The following TNFSF13B variants were observed in gnomAD, a reference collection of about 807,000 sequenced individuals.
The protein encoded by TNFSF13B is TNF superfamily member 13b, also known as tumor necrosis factor ligand superfamily member 13B.
Under a neutral mutation model 29.1 loss-of-function variants are expected in TNFSF13B, and 8 were observed. That is an observed-to-expected ratio of 0.27 (90% CI 0.16 to 0.50). The LOEUF (loss-of-function observed/expected upper bound fraction) is 0.50. Among genes scored for constraint, TNFSF13B ranks in the 20% least tolerant of loss-of-function variants. The pLI is 0.98. For missense variants in TNFSF13B, 248 were observed against 334.9 expected (o/e 0.74, Z 2.03); for synonymous variants, 125 against 130.8 (o/e 0.96, Z 0.30).
At chr13:108,298,010 T>A (rs1351585950) in intron 3 of TNFSF13B, among the ~76,000 whole-genome samples, 2 of 146,294 alleles carry the variant, frequency 1.4e-5, no homozygotes, top group African/African-American at 2.6e-5. Flanking sequence ...TGGCATTTTT[T>A]AAATGTCTCT....
At position 108,307,477 on chromosome 13, in the gene TNFSF13B, A is replaced by G. The variant is rs1881812661; in HGVS notation, c.*539A>G. 6.6e-6 allele frequency: 1 copy of G among 152,128 alleles called. No individual in the cohort carries two copies. Among genetic ancestry groups the G allele is most frequent in the Non-Finnish European group, 1.5e-5 (1 of 68,010 alleles). The allele number at this position is 152,128 out of a possible 1,614,324, so 9.4% of individuals were successfully genotyped here. A position where few individuals can be genotyped will look rare whatever the true frequency, so the allele number is the denominator to read the frequency against. The stretch of plus-strand genomic sequence containing the variant: ...GCATTAGACACATGAAAAAATAACT[A>G]AAAGTTTAAATTTAAATATGAAACA... On this transcript the variant is annotated 3_prime_UTR_variant, in exon 6 of 6. Transcript: ENST00000375887.
intron 3 of TNFSF13B, among the ~76,000 whole-genome samples, chr13:108,292,664 A>G (rs1020748565): frequency 1.3e-5 from 2 of 151,736 alleles, no homozygotes; most frequent in African/African-American, 4.8e-5. Context: ...ATTTATTTGC[A>G]TTTTCCTTAT....
chr13:108,296,002 T>C (rs1881449603), intron 3 of TNFSF13B, among the ~76,000 whole-genome samples: 1 of 146,470 alleles, frequency 6.8e-6, no homozygotes, highest in Non-Finnish European at 1.5e-5. Context: ...TAATGAGAAT[T>C]ATTTTGTTGC....
At chr13:108,272,051 C>T (rs1033531014) in intron 2 of TNFSF13B, among the ~76,000 whole-genome samples, 8 of 152,168 alleles carry the variant, frequency 5.3e-5, no homozygotes, top group South Asian at 2.1e-4. Flanking sequence ...TGTGGTGTAC[C>T]GGTTCTCCAC....
chr13:108,270,495 G>A, intron 2 of TNFSF13B, 71 bp downstream of exon 2: 1 of 1,401,296 alleles, frequency 7.1e-7, no homozygotes, highest in Admixed American at 1.8e-5. Flanking sequence ...GGGAGCTGGA[G>A]GTGAGTATCC....
chr13:108,296,808 A>G (rs1342023699), intron 3 of TNFSF13B, among the ~76,000 whole-genome samples: 1 of 145,360 alleles, frequency 6.9e-6, no homozygotes, highest in Non-Finnish European at 1.5e-5. Context: ...GGTGATCACA[A>G]TAAACATCCT....
At chr13:108,270,445 C>G (rs1880581616) in intron 2 of TNFSF13B, 21 bp downstream of exon 2, 4 of 1,607,962 alleles carry the variant, frequency 2.5e-6, no homozygotes, top group Non-Finnish European at 3.4e-6. Context: ...GGCACAGACA[C>G]TTTTAGGAGT....
intron 2 of TNFSF13B, among the ~76,000 whole-genome samples, chr13:108,272,040 A>G (rs748859131): frequency 7.2e-5 from 11 of 152,146 alleles, no homozygotes; most frequent in Non-Finnish European, 1.6e-4. Context: ...GCAATCAAAA[A>G]TGTGGTGTAC....
At chr13:108,299,565 C>T (rs1378399223) in intron 3 of TNFSF13B, among the ~76,000 whole-genome samples, 1 of 151,734 alleles carries the variant, frequency 6.6e-6, no homozygotes, top group Non-Finnish European at 1.5e-5. Context: ...TTTTGTTGGC[C>T]TGGTAGAGAT....
At chr13:108,303,092 T>TACAAG (rs1189239078) in intron 3 of TNFSF13B, among the ~76,000 whole-genome samples, 161 bp from the exon 4 acceptor site, 1 of 152,214 alleles carries the variant, frequency 6.6e-6, no homozygotes, top group East Asian at 1.9e-4. Flanking sequence ...TCCAGTGCAG[T>TACAAG]AATGTGACTT....
intron 3 of TNFSF13B, among the ~76,000 whole-genome samples, chr13:108,289,795 G>A (rs1281169671): frequency 1.3e-5 from 2 of 151,790 alleles, no homozygotes; most frequent in Non-Finnish European, 2.9e-5. Flanking sequence ...TGCTTGCTCT[G>A]CCCCATACTT....
chr13:108,291,988 A>G (rs1279315725), intron 3 of TNFSF13B, among the ~76,000 whole-genome samples: 1 of 152,256 alleles, frequency 6.6e-6, no homozygotes, highest in East Asian at 1.9e-4. Flanking sequence ...TATTGAAATT[A>G]AATTCATATA....
At chr13:108,301,860 A>G (rs1475002082) in intron 3 of TNFSF13B, among the ~76,000 whole-genome samples, 3 of 152,236 alleles carry the variant, frequency 2.0e-5, no homozygotes, top group African/African-American at 7.2e-5. Context: ...TCATTGCACA[A>G]TGCCTATATA....
Position 108,283,350 on chromosome 13 carries a change from G to C in TNFSF13B, c.425-3453G>C, listed in dbSNP as rs574853723. Among the ~76,000 whole-genome samples, 5 of 152,300 alleles carry C rather than the reference G, an allele frequency of 3.3e-5. No homozygotes were observed. In the East Asian group the frequency reaches 9.7e-4, roughly 29 times the overall value. On this transcript the variant is annotated intron_variant, in intron 2 of 5. Transcript: ENST00000375887. ...ATCAGAGCATACTTACACAACTTCA[G>C]TGGCTGTAATTTAAACCTCATTATT...
chr13:108,307,015 C>CAAA lies in TNFSF13B; in HGVS notation c.*77_*78insAAA. The CAAA allele has an allele frequency of 4.6e-5, 1 of 21,660 alleles. No individual in the cohort carries two copies. The highest frequency in any genetic ancestry group is 6.8e-4 in the South Asian group (1 of 1,460). 1.3% of individuals were successfully genotyped at this position (21,660 alleles called of 1,614,324 possible). ...AGAAGAAAGAATCTAACTGAAAATA[C>CAAA]CAAAAAAAAAAAAAAAAAAAAAAAA... On this transcript the variant is annotated 3_prime_UTR_variant, in exon 6 of 6. Coordinates refer to ENST00000375887, the MANE Select transcript of TNFSF13B (RefSeq NM_006573.5).
chr13:108,303,704 A>G, intron 5 of TNFSF13B, 100 bp downstream of exon 5: 1 of 1,228,218 alleles, frequency 8.1e-7, no homozygotes, highest in African/African-American at 1.5e-5. Context: ...GTGCCCTAAA[A>G]TACAAATAGA....
chr13:108,293,783 G>A (rs74468137), intron 3 of TNFSF13B, among the ~76,000 whole-genome samples: 1,763 of 152,306 alleles, frequency 0.012, 35 homozygotes, highest in African/African-American at 0.04. Flanking sequence ...GAAAATTCAA[G>A]ATTAAGGTGC....
At chr13:108,282,889 T>C (rs1484377860) in intron 2 of TNFSF13B, among the ~76,000 whole-genome samples, 1 of 152,204 alleles carries the variant, frequency 6.6e-6, no homozygotes, top group African/African-American at 2.4e-5. Flanking sequence ...TAACCTCTTG[T>C]GTAATTCCTT....
intron 5 of TNFSF13B, among the ~76,000 whole-genome samples, chr13:108,305,444 T>C (rs1405051754): frequency 6.6e-6 from 1 of 152,176 alleles, no homozygotes; most frequent in Non-Finnish European, 1.5e-5. Flanking sequence ...GATAATTTAG[T>C]GTTAAAATGT....
Sources: gnomAD v4.1 joint callset for allele counts (sites outside exome capture counted in the v4.1 genomes callset) on GRCh38, gnomAD v4.1.1 for gene constraint, MANE v1.5 for transcripts, NCBI Gene and HGNC (gene_info 2026-07-23, HGNC 2026-07-21) for gene names.